Variants in CTBP1 observed in about 807,000 individuals in gnomAD.
The protein encoded by CTBP1 is C-terminal binding protein 1.
Under a neutral mutation model 42.1 loss-of-function variants are expected in CTBP1, and 11 were observed. The ratio of observed to expected loss-of-function variants is 0.26; its 90% CI spans 0.16 to 0.43. CTBP1 has a LOEUF of 0.43. Among genes scored for constraint, CTBP1 ranks in the 20% least tolerant of loss-of-function variants. The pLI, the probability that CTBP1 is intolerant of heterozygous loss-of-function variation, is 1.00. For missense variants in CTBP1, 399 were observed against 624.3 expected (o/e 0.64, Z 3.85); for synonymous variants, 324 against 277.1 (o/e 1.17, Z -1.68).
intron 1 of CTBP1, chr4:1,242,487 T>G: frequency 1.0e-6 from 1 of 985,078 alleles, no homozygotes. Context: ...AGGCCGCCCC[T>G]GCGCAGAGGC....
At chr4:1,248,601 G>T in intron 1 of CTBP1, 4 of 853,008 alleles carry the variant, frequency 4.7e-6, no homozygotes, top group Non-Finnish European at 5.6e-6. Flanking sequence ...CGGGGCTGGG[G>T]TCGGTGGAGC....
At chr4:1,229,196 G>A (rs905426272) in intron 3 of CTBP1, among the ~76,000 whole-genome samples, 7 of 152,310 alleles carry the variant, frequency 4.6e-5, no homozygotes, top group East Asian at 3.9e-4. Flanking sequence ...GGGTGCAGAG[G>A]CACACAGGTG....
chr4:1,228,148 GGGACGGAGCTTGCATGAAT>G, intron 4 of CTBP1, 32 bp downstream of exon 4: 1 of 1,600,680 alleles, frequency 6.2e-7, no homozygotes, highest in Non-Finnish European at 8.5e-7. Flanking sequence ...GAAGCAAGAC[GGGACGGAGCTTGCATGAAT>G]GGGCACAGGA....
At chr4:1,225,276 C>G (rs897009402) in intron 5 of CTBP1, 84 bp downstream of exon 5, 2 of 1,444,976 alleles carry the variant, frequency 1.4e-6, no homozygotes, top group African/African-American at 1.4e-5. Flanking sequence ...CACCCCGCCC[C>G]GGGCCTCTCC....
Position 1,217,964 on chromosome 4 carries a change from C to T in CTBP1, c.515-1759G>A, listed in dbSNP as rs1460586166. The T allele has an allele frequency of 2.0e-5, 3 of 152,184 alleles. 1 individual carries two copies. The highest frequency in any genetic ancestry group is 1.3e-4 in the Admixed American group (2 of 15,284). 9.4% of individuals were successfully genotyped at this position (152,184 alleles called of 1,614,324 possible). A position where few individuals can be genotyped will look rare whatever the true frequency, so the allele number is the denominator to read the frequency against. ...TGAATGGTAACTCTATAAAGAACCA[C>T]ATAGAAATTCCAGAACGAAAACATC... On this transcript the variant is annotated intron_variant, in intron 5 of 9. Coordinates refer to ENST00000382952, the MANE Select transcript of CTBP1 (RefSeq NM_001012614.2).
At chr4:1,232,346 C>A (rs1225306904) in intron 3 of CTBP1, among the ~76,000 whole-genome samples, 1 of 152,188 alleles carries the variant, frequency 6.6e-6, no homozygotes, top group African/African-American at 2.4e-5. Context: ...GAGTCTTGCT[C>A]TGTTGCCCAG....
In CTBP1 at chr4:1,214,453, C is replaced by A; in HGVS notation, c.750G>T (p.Leu250=). 1 of 1,590,588 alleles carries A rather than the reference C, an allele frequency of 6.3e-7. No individual in the cohort carries two copies. The change falls in exon 7 of 10, where the codon CTG becomes CTT. Residue 250 remains leucine, a synonymous_variant. Transcript: ENST00000382952. The part of the protein sequence containing the change: ...TVKQMRQGAF[L]VNTARGGLVD... ...CCAGGCCACCCCGGGCTGTGTTCAC[C>A]AGGAAGGCCCCTTGTCTCATCTAGA... is the stretch of plus-strand genomic sequence containing the variant.
rs1731782919 is a variant in CTBP1, at chr4:1,238,237, G to A, written c.108C>T (p.Asp36=). 1 of 1,612,774 alleles carries A rather than the reference G, an allele frequency of 6.2e-7. No individual in the cohort carries two copies. The highest frequency in any genetic ancestry group is 8.5e-7 in the Non-Finnish European group (1 of 1,179,738). ...CGTCGCAGAAGGCCACAGTGGCCAC[G>A]TCCTTCAGGATGGGCATCTCCACTG... ...DCTVEMPILK[D]VATVAFCDAQ... is the part of the protein sequence containing the mutation. Residue 36 remains aspartate, a synonymous_variant, in exon 3 of 10, where the codon GAC becomes GAT. Transcript: ENST00000382952. This position sits in a 1 kb window ranked among gnomAD's most constrained non-coding sequence, Gnocchi z 5.9.
chr4:1,221,815 G>A (rs1365014570), intron 5 of CTBP1: 1 of 447,508 alleles, frequency 2.2e-6, no homozygotes, highest in African/African-American at 2.0e-5. Flanking sequence ...TGGGGTGAAT[G>A]TGTACAATGT....
At chr4:1,214,647 C>A (rs1728912283) in intron 6 of CTBP1, among the ~76,000 whole-genome samples, 174 bp from the exon 7 acceptor site, 1 of 152,246 alleles carries the variant, frequency 6.6e-6, no homozygotes, top group African/African-American at 2.4e-5. Context: ...TGCTGCACCG[C>A]GGCCCTGACA....
At chr4:1,212,838 C>A in intron 9 of CTBP1, 75 bp downstream of exon 9, 1 of 1,303,436 alleles carries the variant, frequency 7.7e-7, no homozygotes, top group Non-Finnish European at 1.1e-6. Context: ...GCCCCTCCCA[C>A]CAGGGGCTGT....
chr4:1,223,181 A>T (rs1332971757), intron 5 of CTBP1, among the ~76,000 whole-genome samples: 3 of 147,872 alleles, frequency 2.0e-5, no homozygotes, highest in Admixed American at 2.0e-4. Flanking sequence ...CTTCCTGCCC[A>T]CCCTCCCTCC....
intron 5 of CTBP1, among the ~76,000 whole-genome samples, chr4:1,222,765 G>C (rs1356338284): frequency 7.1e-6 from 1 of 140,128 alleles, no homozygotes; most frequent in African/African-American, 2.6e-5. Flanking sequence ...GCCTGGGAAG[G>C]CGCCGCCCTC....
chr4:1,218,451 G>A (rs1729383062), intron 5 of CTBP1: 1 of 151,942 alleles, frequency 6.6e-6, no homozygotes. Context: ...AAAGCAAAAG[G>A]AATCGGTCAC....
At chr4:1,215,562 C>A in intron 6 of CTBP1, 1 of 251,094 alleles carries the variant, frequency 4.0e-6, no homozygotes, top group South Asian at 4.5e-5. Context: ...ATGTCAGAGG[C>A]CGACCTGAGC....
At position 1,227,131 on chromosome 4, in the gene CTBP1, A is replaced by G. The variant is rs116590995; in HGVS notation, c.307+1068T>C. On this transcript the variant is annotated intron_variant, in intron 4 of 9. Coordinates refer to ENST00000382952, the MANE Select transcript of CTBP1 (RefSeq NM_001012614.2). ...AGTTTGTTCTAATGAGTGTCTGTAC[A>G]TGGATGCAGACACATGTGCATGTTC... Among the ~76,000 whole-genome samples, 152 of 152,216 alleles carry G rather than the reference A, an allele frequency of 1.0e-3. 1 individual carries two copies. Among genetic ancestry groups the G allele is most frequent in the African/African-American group, 3.4e-3 (142 of 41,554 alleles).
At chr4:1,249,949 A>G (rs1486825302), upstream of CTBP1, 1 of 180,862 alleles carries the variant, frequency 5.5e-6, no homozygotes, top group Non-Finnish European at 1.2e-5. Flanking sequence ...GAGAGGCCGC[A>G]CTGGGCCTGC....
At chr4:1,245,080 C>T (rs1231504885) in intron 1 of CTBP1, 3 of 983,872 alleles carry the variant, frequency 3.0e-6, no homozygotes, top group Non-Finnish European at 3.6e-6. Flanking sequence ...AGGCCCGTCA[C>T]CCACAGGTTG....
chr4:1,234,953 G>C (rs73793143), intron 3 of CTBP1: 1 of 152,202 alleles, frequency 6.6e-6, no homozygotes, highest in Non-Finnish European at 1.5e-5. Flanking sequence ...CACTGTTTCC[G>C]TCACGCTAAT....
Sources: gnomAD v4.1 joint callset for allele counts (sites outside exome capture counted in the v4.1 genomes callset) on GRCh38, gnomAD v4.1.1 for gene constraint, Gnocchi (gnomAD v3.1) non-coding constraint, MANE v1.5 for transcripts, NCBI Gene and HGNC (gene_info 2026-07-23, HGNC 2026-07-21) for gene names.